The following ADGRL3 variants were observed in gnomAD, a reference collection of about 807,000 sequenced individuals.
ADGRL3 encodes calcium-independent alpha-latrotoxin receptor 3.
ADGRL3 carries 62 observed loss-of-function variants against 153.5 expected under a neutral mutation model. That is an observed-to-expected ratio of 0.40 (90% CI 0.33 to 0.50). ADGRL3 has a LOEUF of 0.50. Ranked by LOEUF, ADGRL3 falls within the 20% of genes least tolerant of loss-of-function variation. The pLI, the probability that ADGRL3 is intolerant of heterozygous loss-of-function variation, is 0.47. For missense variants in ADGRL3, 1,641 were observed against 1,859.4 expected, an observed-to-expected ratio of 0.88 and a Z score of 2.16; for synonymous variants, 710 against 672.5, an observed-to-expected ratio of 1.06 and a Z score of -0.86.
chr4:61,249,630 C>T (rs921944929), intron 1 of ADGRL3, among the ~76,000 whole-genome samples: 109 of 152,152 alleles, frequency 7.2e-4, no homozygotes, highest in African/African-American at 2.6e-3. Flanking sequence ...ACACAACGCT[C>T]ATGTATCATT....
intron 8 of ADGRL3, among the ~76,000 whole-genome samples, chr4:61,748,611 AG>A: frequency 6.6e-6 from 1 of 152,324 alleles, no homozygotes; most frequent in Admixed American, 6.5e-5. Context: ...CAACGGGTAA[AG>A]GATTCCCTAT....
At chr4:61,767,515 C>G (rs1344052122) in intron 8 of ADGRL3, among the ~76,000 whole-genome samples, 1 of 152,102 alleles carries the variant, frequency 6.6e-6, no homozygotes. Context: ...AGCTCGGCGT[C>G]CGTGATGGTC....
intron 4 of ADGRL3, among the ~76,000 whole-genome samples, chr4:61,560,540 C>T (rs1275305475): frequency 6.6e-6 from 1 of 152,074 alleles, no homozygotes; most frequent in Non-Finnish European, 1.5e-5. Context: ...CCTGTAGTAA[C>T]TATGGGGGAT....
intron 5 of ADGRL3, among the ~76,000 whole-genome samples, chr4:61,669,694 G>T (rs143984363): frequency 1.3e-5 from 2 of 152,070 alleles, no homozygotes; most frequent in Non-Finnish European, 2.9e-5. Flanking sequence ...TTTTTGCATA[G>T]CACATGCTTT....
intron 5 of ADGRL3, among the ~76,000 whole-genome samples, chr4:61,661,956 C>A (rs1054312161): frequency 3.9e-5 from 6 of 152,044 alleles, no homozygotes; most frequent in African/African-American, 1.2e-4. Context: ...AAAATAAATA[C>A]CTTGTATTTA....
chr4:61,452,768 T>A (rs2097690730), intron 2 of ADGRL3, among the ~76,000 whole-genome samples: 1 of 152,204 alleles, frequency 6.6e-6, no homozygotes, highest in Non-Finnish European at 1.5e-5. Flanking sequence ...TCTCATGATT[T>A]ACTTTCTTTA....
At chr4:61,321,122 A>G (rs1036439758) in intron 1 of ADGRL3, among the ~76,000 whole-genome samples, 5 of 152,234 alleles carry the variant, frequency 3.3e-5, no homozygotes, top group Non-Finnish European at 5.9e-5. Context: ...TTAGCAAATT[A>G]GCAATCTTCA....
At chr4:61,478,991 T>G (rs2098100558) in intron 2 of ADGRL3, among the ~76,000 whole-genome samples, 1 of 152,094 alleles carries the variant, frequency 6.6e-6, no homozygotes, top group African/African-American at 2.4e-5. Flanking sequence ...CACAGATCTT[T>G]GTCCAATTGA....
chr4:61,238,530 C>T (rs1168119381), intron 1 of ADGRL3, among the ~76,000 whole-genome samples: 2 of 150,868 alleles, frequency 1.3e-5, no homozygotes, highest in Non-Finnish European at 3.0e-5. Context: ...CTGGATTGTG[C>T]TTACAGCAGT....
At chr4:61,607,441 A>G (rs1272307327) in intron 5 of ADGRL3, among the ~76,000 whole-genome samples, 2 of 152,034 alleles carry the variant, frequency 1.3e-5, no homozygotes. Flanking sequence ...TACTTAAACT[A>G]CAAAAAAAAT....
At chr4:61,775,744 T>A in intron 8 of ADGRL3, 4 of 933,764 alleles carry the variant, frequency 4.3e-6, no homozygotes, top group Non-Finnish European at 3.5e-6. Context: ...GGTAGCTTCA[T>A]GAATTCCACG....
At chr4:61,493,727 A>G (rs1199955580) in intron 2 of ADGRL3, among the ~76,000 whole-genome samples, 1 of 152,132 alleles carries the variant, frequency 6.6e-6, no homozygotes, top group Non-Finnish European at 1.5e-5. Flanking sequence ...ACTCTTCACA[A>G]TCAAATAATG....
At chr4:62,035,735 A>G (rs1012485597) in intron 23 of ADGRL3, among the ~76,000 whole-genome samples, 2 of 152,094 alleles carry the variant, frequency 1.3e-5, no homozygotes, top group Admixed American at 6.6e-5. Context: ...CAGTGATTTC[A>G]TGTTCCAAAT....
intron 6 of ADGRL3, among the ~76,000 whole-genome samples, chr4:61,726,161 A>C (rs1293784490): frequency 6.6e-6 from 1 of 150,962 alleles, no homozygotes; most frequent in Non-Finnish European, 1.5e-5. Context: ...AAAATTTTTT[A>C]GTGCAAACAT....
chr4:61,896,102 C>T (rs563224039), intron 11 of ADGRL3, among the ~76,000 whole-genome samples: 31 of 151,790 alleles, frequency 2.0e-4, no homozygotes, highest in Non-Finnish European at 3.8e-4. Context: ...TATAAAAGTC[C>T]AAGAGGCATT....
intron 6 of ADGRL3, among the ~76,000 whole-genome samples, chr4:61,718,032 A>G (rs535895341): frequency 3.3e-5 from 5 of 152,192 alleles, no homozygotes; most frequent in African/African-American, 1.2e-4. Flanking sequence ...GTCTCAAAAT[A>G]AATAAATAAA....
At chr4:61,781,298 C>G (rs2097209939) in intron 8 of ADGRL3, among the ~76,000 whole-genome samples, 1 of 135,062 alleles carries the variant, frequency 7.4e-6, no homozygotes, top group African/African-American at 3.4e-5. Context: ...TGCACTCCAG[C>G]CAGCCTGGGC....
chr4:61,440,961 T>C (rs335280), intron 2 of ADGRL3, among the ~76,000 whole-genome samples: 141,785 of 152,234 alleles, frequency 0.93, 66,873 homozygotes, highest in East Asian at 1. Flanking sequence ...TTTGTAACTA[T>C]GAAGTGGCAG....
intron 2 of ADGRL3, among the ~76,000 whole-genome samples, chr4:61,443,230 A>G (rs1369753561): frequency 6.6e-6 from 1 of 152,176 alleles, no homozygotes; most frequent in African/African-American, 2.4e-5. Context: ...TATTAGACAT[A>G]CATAGCTATG....
Sources: gnomAD v4.1 joint callset for allele counts (sites outside exome capture counted in the v4.1 genomes callset) on GRCh38, gnomAD v4.1.1 for gene constraint, MANE v1.5 for transcripts, NCBI Gene and HGNC (gene_info 2026-07-23, HGNC 2026-07-21) for gene names.